Variants in BCAS3 observed in about 807,000 individuals in gnomAD.
BCAS3 encodes the protein BCAS3 microtubule associated cell migration factor.
A neutral mutation model predicts 116.1 loss-of-function variants in BCAS3; 53 were observed. The observed-to-expected ratio is 0.46, with a 90% confidence interval of 0.37 to 0.57. The LOEUF (loss-of-function observed/expected upper bound fraction) is 0.57, where lower values mean the gene tolerates loss of function less well. Ranked by LOEUF, BCAS3 falls within the 20% of genes least tolerant of loss-of-function variation. The pLI is 0.00. For synonymous variants in BCAS3, 391 were observed against 408.2 expected (o/e 0.96, Z 0.51); for missense variants, 917 against 1,165.4 (o/e 0.79, Z 3.10).
intron 15 of BCAS3, among the ~76,000 whole-genome samples, chr17:61,009,402 C>G (rs2064953187): frequency 6.6e-6 from 1 of 151,982 alleles, no homozygotes; most frequent in Admixed American, 6.6e-5. Flanking sequence ...ACCTTCTGTT[C>G]CTAAAGAATC....
Position 60,810,168 on chromosome 17 carries a change from A to G in BCAS3, c.476+2092A>G. The stretch of plus-strand genomic sequence containing the variant: ...CTCACTCTCCCCACTGGACAGCATG[A>G]GCTTCACCACTTGCTCCACGTTCTC... On this transcript the variant is annotated intron_variant, in intron 7 of 23. Transcript: ENST00000407086. 7.2e-6 allele frequency: 3 copies of G among 419,140 alleles called. 1 individual carries two copies. The highest frequency in any genetic ancestry group is 1.4e-5 in the Non-Finnish European group (3 of 212,328). The allele number at this position is 419,140 out of a possible 1,614,324, so 26.0% of individuals were successfully genotyped here.
At position 61,387,548 on chromosome 17, in the gene BCAS3, C is replaced by T. The variant is rs1010737819; in HGVS notation, c.2594-4429C>T. The stretch of plus-strand genomic sequence containing the variant: ...TCATCCTTCACTTGTTTCATGAGAG[C>T]GGAGGCACCTTTCCTTCAGTTGCTA... On this transcript the variant is annotated intron_variant, in intron 23 of 23. Coordinates refer to ENST00000407086, the MANE Select transcript of BCAS3 (RefSeq NM_017679.5). The surrounding 1 kb of genome is among the most constrained non-coding windows in gnomAD (Gnocchi z 6.2). 1.3e-5 allele frequency among the ~76,000 whole-genome samples: 2 copies of T among 152,136 alleles called. No homozygotes were observed. The highest frequency in any genetic ancestry group is 2.1e-4 in the South Asian group (1 of 4,822).
intron 5 of BCAS3, among the ~76,000 whole-genome samples, chr17:60,745,052 G>A (rs1267473394): frequency 6.6e-6 from 1 of 151,890 alleles, no homozygotes; most frequent in Non-Finnish European, 1.5e-5. Context: ...GAGTACAGCA[G>A]CTCATTTAAA....
chr17:60,811,229 G>A (rs1330054745), intron 7 of BCAS3: 5 of 845,540 alleles, frequency 5.9e-6, no homozygotes, highest in Non-Finnish European at 9.5e-6. Flanking sequence ...CACAGACCCT[G>A]CAGAGGGACA....
intron 22 of BCAS3, among the ~76,000 whole-genome samples, chr17:61,154,714 G>C (rs1353085603): frequency 6.6e-6 from 1 of 152,070 alleles, no homozygotes; most frequent in Admixed American, 6.6e-5. Context: ...GAAGTACTGG[G>C]ATTACAGGCA....
chr17:60,802,295 AAT>A (rs773556470), intron 6 of BCAS3, among the ~76,000 whole-genome samples: 3,569 of 127,778 alleles, frequency 0.028, 59 homozygotes, highest in Non-Finnish European at 0.043. Flanking sequence ...AAAAAAAAAA[AAT>A]ATATATATAT....
chr17:60,956,791 A>C lies in BCAS3; in HGVS notation c.1221+9439A>C, dbSNP rs1234854233. Among the ~76,000 whole-genome samples the C allele has an allele frequency of 1.3e-5, 2 of 152,276 alleles. No individual in the cohort carries two copies. The highest frequency in any genetic ancestry group is 4.8e-5 in the African/African-American group (2 of 41,566). The stretch of plus-strand genomic sequence containing the variant: ...ATACCAGGACCTCAGTGACCACAAA[A>C]TTAATTTTATAAGGTTCTACAGAAA... On this transcript the variant is annotated intron_variant, in intron 14 of 23. Coordinates refer to ENST00000407086, the MANE Select transcript of BCAS3 (RefSeq NM_017679.5). This position sits in a 1 kb window ranked among gnomAD's most constrained non-coding sequence, Gnocchi z 4.2.
chr17:60,908,563 C>T (rs1000073686), intron 11 of BCAS3, among the ~76,000 whole-genome samples: 14 of 152,118 alleles, frequency 9.2e-5, no homozygotes, highest in African/African-American at 3.1e-4. Context: ...TACACTGTGG[C>T]GCCTGAATCT....
chr17:60,971,777 C>T (rs770581932), intron 14 of BCAS3, among the ~76,000 whole-genome samples: 1 of 152,160 alleles, frequency 6.6e-6, no homozygotes, highest in Admixed American at 6.5e-5. Context: ...ATTTGAATAG[C>T]GGTCCCTGTT....
In BCAS3 at chr17:61,026,544, C is replaced by T. The variant is rs2066259350; in HGVS notation, c.1638-8122C>T. Among the ~76,000 whole-genome samples, 1 of 151,952 alleles carries T rather than the reference C, an allele frequency of 6.6e-6. No homozygotes were observed. The highest frequency in any genetic ancestry group is 1.5e-5 in the Non-Finnish European group (1 of 67,912). On this transcript the variant is annotated intron_variant, in intron 16 of 23. Transcript: ENST00000407086. This position sits in a 1 kb window ranked among gnomAD's most constrained non-coding sequence, Gnocchi z 5.0. ...CTCACTCTTCTCCATCTGGTTATTCCATTTAACTTATACCTTGTTTTAAAG... is the reference window on the plus strand; with the variant it reads ...CTCACTCTTCTCCATCTGGTTATTCTATTTAACTTATACCTTGTTTTAAAG...
rs2065550180 is a variant in BCAS3, at chr17:61,017,589, AGCTGTCC to A, written c.1637+1689_1637+1695del. On this transcript the variant is annotated intron_variant, in intron 16 of 23. Transcript: ENST00000407086. The surrounding 1 kb of genome is among the most constrained non-coding windows in gnomAD (Gnocchi z 4.7). ...CGTGTTTATTTAATTTTAACATAAGAGCTGTCCTGTTTTATAATGCAAAGAATTAGCT... is the reference window on the plus strand; with the variant it reads ...CGTGTTTATTTAATTTTAACATAAGATGTTTTATAATGCAAAGAATTAGCT... Among the ~76,000 whole-genome samples, 1 of 152,166 alleles carries A rather than the reference AGCTGTCC, an allele frequency of 6.6e-6. No individual in the cohort carries two copies. Among genetic ancestry groups the A allele is most frequent in the African/African-American group, 2.4e-5 (1 of 41,440 alleles).
In BCAS3 at chr17:61,180,606, A is replaced by G; in HGVS notation, c.2425+96042A>G. ...GAGGAAACAACTCAGAGGACCCAATAGCAAATGAGGCACTTAGATAGCATG... is the reference window on the plus strand; with the variant it reads ...GAGGAAACAACTCAGAGGACCCAATGGCAAATGAGGCACTTAGATAGCATG... On this transcript the variant is annotated intron_variant, in intron 22 of 23. Transcript: ENST00000407086. This position sits in a 1 kb window ranked among gnomAD's most constrained non-coding sequence, Gnocchi z 6.0. Among the ~76,000 whole-genome samples, 1 of 152,232 alleles carries G rather than the reference A, an allele frequency of 6.6e-6. No individual in the cohort carries two copies. Among genetic ancestry groups the G allele is most frequent in the Non-Finnish European group, 1.5e-5 (1 of 68,036 alleles).
In BCAS3 at chr17:61,257,728, ATTC is replaced by A. The variant is rs1250405174; in HGVS notation, c.2426-110594_2426-110592del. On this transcript the variant is annotated intron_variant, in intron 22 of 23. Transcript: ENST00000407086. ...GATCAATCAAATAATTCAAAATATG[ATTC>A]TTCTCTGTGATAAATGTGTGACTTA... 4.6e-5 allele frequency among the ~76,000 whole-genome samples: 7 copies of A among 152,296 alleles called. No homozygotes were observed. The South Asian group carries it at 1.0e-3, about 23-fold the overall frequency.
chr17:60,868,146 C>T (rs1035223206), intron 7 of BCAS3, among the ~76,000 whole-genome samples: 37 of 151,808 alleles, frequency 2.4e-4, no homozygotes, highest in African/African-American at 8.0e-4. Context: ...GCCTCAGCCT[C>T]CCAGAGAAGC....
intron 14 of BCAS3, among the ~76,000 whole-genome samples, chr17:60,955,958 C>T (rs1239684537): frequency 6.6e-6 from 1 of 152,182 alleles, no homozygotes; most frequent in East Asian, 1.9e-4. Context: ...TCAGTTTAAT[C>T]ACATGACTGA....
Position 61,315,981 on chromosome 17 carries a change from G to C in BCAS3, c.2426-52346G>C, listed in dbSNP as rs1172600845. On this transcript the variant is annotated intron_variant, in intron 22 of 23. Transcript: ENST00000407086. This position sits in a 1 kb window ranked among gnomAD's most constrained non-coding sequence, Gnocchi z 5.3. ...ACCAGGATTTTCCCTTTTCATGTGT[G>C]TTTTCCAGTGTCTAGGATAGTGACC... Among the ~76,000 whole-genome samples the C allele has an allele frequency of 6.6e-6, 1 of 152,146 alleles. No homozygotes were observed. Among genetic ancestry groups the C allele is most frequent in the Non-Finnish European group, 1.5e-5 (1 of 68,028 alleles).
chr17:61,037,801 A>T lies in BCAS3; in HGVS notation c.1763-88A>T. On this transcript the variant is annotated intron_variant, in intron 17 of 23. Coordinates refer to ENST00000407086, the MANE Select transcript of BCAS3 (RefSeq NM_017679.5). This position sits in a 1 kb window ranked among gnomAD's most constrained non-coding sequence, Gnocchi z 4.7. ...ATTTTCTCTGAGCAGCCTCAGGAGCAGACTAATAAGATCATTAACTTGTAA... is the reference window on the plus strand; with the variant it reads ...ATTTTCTCTGAGCAGCCTCAGGAGCTGACTAATAAGATCATTAACTTGTAA... 8.3e-7 allele frequency: 1 copy of T among 1,207,536 alleles called. No homozygotes were observed. Among genetic ancestry groups the T allele is most frequent in the Non-Finnish European group, 1.1e-6 (1 of 871,530 alleles). 74.8% of individuals were successfully genotyped at this position (1,207,536 alleles called of 1,614,324 possible).
chr17:60,716,910 G>C (rs2038680237), intron 5 of BCAS3, among the ~76,000 whole-genome samples: 1 of 152,122 alleles, frequency 6.6e-6, no homozygotes, highest in South Asian at 2.1e-4. Context: ...ATGCCAGACT[G>C]TGTTGAAGGT....
rs965847869 is a variant in BCAS3 at position 60,964,874 on chromosome 17, C to T, written c.1221+17522C>T. On this transcript the variant is annotated intron_variant, in intron 14 of 23. Transcript: ENST00000407086. This position sits in a 1 kb window ranked among gnomAD's most constrained non-coding sequence, Gnocchi z 4.6. ...TAATGATTTTTTGTGTTTCTGAGGT[C>T]TCAGTTGTTATGTGTCCTTTCTTTG... is the stretch of plus-strand genomic sequence containing the variant. Among the ~76,000 whole-genome samples, 2 of 151,938 alleles carry T rather than the reference C, an allele frequency of 1.3e-5. No individual in the cohort carries two copies. Among genetic ancestry groups the T allele is most frequent in the Non-Finnish European group, 2.9e-5 (2 of 67,980 alleles).
Sources: gnomAD v4.1 joint callset for allele counts (sites outside exome capture counted in the v4.1 genomes callset) on GRCh38, gnomAD v4.1.1 for gene constraint, Gnocchi (gnomAD v3.1) non-coding constraint, MANE v1.5 for transcripts, NCBI Gene and HGNC (gene_info 2026-07-23, HGNC 2026-07-21) for gene names.